IKBKE: variants seen among roughly 807,000 people sequenced by gnomAD.
IKBKE encodes inhibitor of nuclear factor kappa-B kinase subunit epsilon.
IKBKE carries 45 observed loss-of-function variants against 92.1 expected under a neutral mutation model. The observed-to-expected ratio is 0.49, with a 90% confidence interval of 0.38 to 0.63. The LOEUF (loss-of-function observed/expected upper bound fraction) is 0.63. Among genes scored for constraint, IKBKE ranks in the 20% least tolerant of loss-of-function variants. The pLI is 0.00. For synonymous variants in IKBKE, 374 were observed against 380.3 expected (o/e 0.98, Z 0.19); for missense variants, 700 against 932.8 (o/e 0.75, Z 3.25).
chr1:206,479,149 T>G lies in IKBKE; in HGVS notation c.1183+16T>G, dbSNP rs373103827. 10 of 1,555,544 alleles carry G rather than the reference T, an allele frequency of 6.4e-6. No individual in the cohort carries two copies. Among genetic ancestry groups the G allele is most frequent in the Non-Finnish European group, 7.8e-6 (9 of 1,150,910 alleles). On this transcript the variant is annotated intron_variant, in intron 10 of 21. Coordinates refer to ENST00000581977, the MANE Select transcript of IKBKE (RefSeq NM_014002.4). Reference sequence around the variant, plus strand: ...TTCAGGGACCGTGAGTAGAGCCACCTGGGCTGGATCTTTCTCCTCCCCACA... The same window carrying G: ...TTCAGGGACCGTGAGTAGAGCCACCGGGGCTGGATCTTTCTCCTCCCCACA...
chr1:206,481,229 G>A (rs41297620), intron 13 of IKBKE, among the ~76,000 whole-genome samples: 3,155 of 152,324 alleles, frequency 0.021, 60 homozygotes, highest in Middle Eastern at 0.082. Flanking sequence ...TACGGGTGAG[G>A]GTGGGAGCTC....
intron 18 of IKBKE, 158 bp downstream of exon 18, chr1:206,491,907 T>C (rs41299852): frequency 0.019 from 10,854 of 571,216 alleles, 148 homozygotes; most frequent in Non-Finnish European, 0.026. Flanking sequence ...GACCAGGCAG[T>C]TGGCTGGGAG....
intron 21 of IKBKE, among the ~76,000 whole-genome samples, chr1:206,494,593 T>TG (rs1491321201): frequency 0.027 from 1,660 of 60,604 alleles, 33 homozygotes; most frequent in Non-Finnish European, 0.035. Context: ...AAGTTCTTTC[T>TG]TTTTTTTTTT....
At chr1:206,488,070 C>G in intron 16 of IKBKE, 80 bp downstream of exon 16, 1 of 1,068,446 alleles carries the variant, frequency 9.4e-7, no homozygotes, top group Non-Finnish European at 1.4e-6. Context: ...ACTGGTGCTA[C>G]CAGTGGCCAC....
intron 3 of IKBKE, among the ~76,000 whole-genome samples, chr1:206,473,522 T>G (rs1401055672): frequency 6.6e-6 from 1 of 151,920 alleles, no homozygotes; most frequent in African/African-American, 2.4e-5. Flanking sequence ...CGGGCACGAG[T>G]TGGAGCAAGA....
chr1:206,479,134 G>C lies in IKBKE; in HGVS notation c.1183+1G>C, dbSNP rs781999092. 6.3e-7 allele frequency: 1 copy of C among 1,589,204 alleles called. No individual in the cohort carries two copies. The highest frequency in any genetic ancestry group is 8.6e-7 in the Non-Finnish European group (1 of 1,167,724). On this transcript the variant is annotated splice_donor_variant, in intron 10 of 21. Transcript: ENST00000581977. LOFTEE classifies it high-confidence loss of function. ...CCTAAGGGGCTGGCCTTCAGGGACC[G>C]TGAGTAGAGCCACCTGGGCTGGATC...
At chr1:206,481,032 A>AC (rs1438137123) in intron 13 of IKBKE, among the ~76,000 whole-genome samples, 3 of 151,796 alleles carry the variant, frequency 2.0e-5, no homozygotes, top group African/African-American at 4.8e-5. Flanking sequence ...AATCTTTGGA[A>AC]CCCCACTCCC....
intron 7 of IKBKE, among the ~76,000 whole-genome samples, chr1:206,477,355 A>C (rs113635276): frequency 6.6e-6 from 1 of 152,256 alleles, no homozygotes; most frequent in African/African-American, 2.4e-5. Flanking sequence ...TGTGGAACCT[A>C]TATCAGGCCC....
rs797041890 is a variant in IKBKE at position 206,472,702 on chromosome 1, C to T, written c.-32-494C>T. ...GTGGTGGGCCTGGCAGGCAGGCCAG[C>T]GGGGGCTGGGGGAGTGGCTCTGGAC... On this transcript the variant is annotated intron_variant, in intron 2 of 21. Transcript: ENST00000581977. 5.0e-4 allele frequency among the ~76,000 whole-genome samples: 76 copies of T among 152,204 alleles called. 2 individuals are homozygous for T. The highest frequency in any genetic ancestry group is 1.8e-3 in the African/African-American group (74 of 41,528).
chr1:206,470,565 GC>G lies in IKBKE; in HGVS notation c.-253del, dbSNP rs2103441634. 6.6e-6 allele frequency: 1 copy of G among 152,426 alleles called. No individual in the cohort carries two copies. The highest frequency in any genetic ancestry group is 2.1e-4 in the South Asian group (1 of 4,832). 9.4% of individuals were successfully genotyped at this position (152,426 alleles called of 1,614,324 possible). On this transcript the variant is annotated 5_prime_UTR_variant, in exon 1 of 22. Coordinates refer to ENST00000581977, the MANE Select transcript of IKBKE (RefSeq NM_014002.4). ...TGGGGTGGCACAGACATTGCAACTG[GC>G]CCTGCCTGTGGGTCCTAGGGGCCCT...
intron 13 of IKBKE, among the ~76,000 whole-genome samples, chr1:206,481,411 C>T (rs1235924300): frequency 2.0e-5 from 3 of 152,240 alleles, no homozygotes; most frequent in South Asian, 2.1e-4. Flanking sequence ...CCTCCTGCTT[C>T]GCAGCAGCAA....
In IKBKE at chr1:206,491,653, A is replaced by G; in HGVS notation, c.1739A>G (p.Asn580Ser). The change falls in exon 18 of 22, where the codon AAT (asparagine) becomes AGT (serine). Residue 580 changes from asparagine (N) to serine (S), a missense_variant. Coordinates refer to ENST00000581977, the MANE Select transcript of IKBKE (RefSeq NM_014002.4). ...TTGGTTCTCTGTCGTTCTAGGGTGAATTTCAGTCATTTAGCCAAAAGACTC... is the reference window on the plus strand; with the variant it reads ...TTGGTTCTCTGTCGTTCTAGGGTGAGTTTCAGTCATTTAGCCAAAAGACTC... ...EEQIHKLDKV[N>S]FSHLAKRLLQ... 1 of 1,612,084 alleles carries G rather than the reference A, an allele frequency of 6.2e-7. No individual in the cohort carries two copies. Among genetic ancestry groups the G allele is most frequent in the Non-Finnish European group, 8.5e-7 (1 of 1,178,536 alleles).
chr1:206,479,001 G>A lies in IKBKE; in HGVS notation c.1051G>A (p.Glu351Lys), dbSNP rs782275520. The change falls in exon 10 of 22, where the codon GAG (glutamate) becomes AAG (lysine). Residue 351 changes from glutamate (E) to lysine (K), a missense_variant. Physicochemically the swap from Glu to Lys is moderately conservative, Grantham distance 56. Coordinates refer to ENST00000581977, the MANE Select transcript of IKBKE (RefSeq NM_014002.4). ...KQTSVAPRHQ[E>K]YLFEGHLCVL... ...GACCAGTGTGGCCCCCCGACACCAG[G>A]AGTACCTCTTTGAGGGTCACCTCTG... 3 of 1,614,160 alleles carry A rather than the reference G, an allele frequency of 1.9e-6. No individual in the cohort carries two copies. The highest frequency in any genetic ancestry group is 2.2e-5 in the South Asian group (2 of 91,084).
In IKBKE at chr1:206,485,427, AG is replaced by A. The variant is rs2103473101; in HGVS notation, c.1616+124del. 6.0e-6 allele frequency: 4 copies of A among 663,538 alleles called. No homozygotes were observed. The East Asian group carries it at 1.1e-4, about 18-fold the overall frequency. The allele number at this position is 663,538 out of a possible 1,614,324, so 41.1% of individuals were successfully genotyped here. On this transcript the variant is annotated intron_variant, in intron 15 of 21. Coordinates refer to ENST00000581977, the MANE Select transcript of IKBKE (RefSeq NM_014002.4). The surrounding 1 kb of genome is among the most constrained non-coding windows in gnomAD (Gnocchi z 5.0). ...TCCCCTTTCTCTTGGCAAGGGTGCT[AG>A]GGCATGGGGGAGTAGAGGGAGATCC...
At position 206,485,060 on chromosome 1, in the gene IKBKE, C is replaced by T; in HGVS notation, c.1491C>T (p.Ser497=). The change falls in exon 14 of 22, where the codon TCC becomes TCT. Residue 497 remains serine (S), a synonymous_variant. Transcript: ENST00000581977. This position sits in a 1 kb window ranked among gnomAD's most constrained non-coding sequence, Gnocchi z 5.0. The stretch of plus-strand genomic sequence containing the variant: ...TGAAGGCGGCTGCAGAACTGAGGTC[C>T]AGGCTGCGGACTGTGAGTGAGGCTG... ...QELKAAAELR[S]RLRTLAEVLS... 6.2e-7 allele frequency: 1 copy of T among 1,614,002 alleles called. No homozygotes were observed. Among genetic ancestry groups the T allele is most frequent in the South Asian group, 1.1e-5 (1 of 91,062 alleles).
Position 206,493,314 on chromosome 1 carries a change from G to T in IKBKE, c.1981G>T (p.Ala661Ser). 2 of 1,614,134 alleles carry T rather than the reference G, an allele frequency of 1.2e-6. No homozygotes were observed. Among genetic ancestry groups the T allele is most frequent in the African/African-American group, 2.7e-5 (2 of 75,070 alleles). The change falls in exon 20 of 22, where the codon GCT (alanine) becomes TCT (serine). Residue 661 changes from alanine to serine, a missense_variant. Coordinates refer to ENST00000581977, the MANE Select transcript of IKBKE (RefSeq NM_014002.4). ...HQLLQDRAKG[A>S]QASPPPIAPY... ...GCTCCTTCAGGACCGAGCAAAGGGGGCTCAGGCCTCGCCGCCTCCCATAGC... is the reference window on the plus strand; with the variant it reads ...GCTCCTTCAGGACCGAGCAAAGGGGTCTCAGGCCTCGCCGCCTCCCATAGC...
rs868991725 is a variant in IKBKE, at chr1:206,474,257, G to A, written c.88-74G>A. On this transcript the variant is annotated intron_variant, in intron 3 of 21. Coordinates refer to ENST00000581977, the MANE Select transcript of IKBKE (RefSeq NM_014002.4). ...AGGCTGAATGGAGGCCCAGGAGAGGGTGGCTGCTCCCCTGTGGGAGTGGGA... is the reference window on the plus strand; with the variant it reads ...AGGCTGAATGGAGGCCCAGGAGAGGATGGCTGCTCCCCTGTGGGAGTGGGA... 10 of 1,424,674 alleles carry A rather than the reference G, an allele frequency of 7.0e-6. No individual in the cohort carries two copies. The African/African-American group carries it at 8.5e-5, about 12-fold the overall frequency. The allele number at this position is 1,424,674 out of a possible 1,614,324, so 88.3% of individuals were successfully genotyped here. A position where few individuals can be genotyped will look rare whatever the true frequency, so the allele number is the denominator to read the frequency against.
chr1:206,491,738 C>A lies in IKBKE; in HGVS notation c.1824C>A (p.Gly608=). ...ATCAAGCGTCCTTAGTCACACACGG[C>A]AAGAGGATGAGGTAACAGCCCCTCC... The part of the protein sequence containing the change: ...QKYQASLVTH[G]KRMRVVHETR... Residue 608 remains glycine (G), a synonymous_variant, in exon 18 of 22, where the codon GGC becomes GGA. Coordinates refer to ENST00000581977, the MANE Select transcript of IKBKE (RefSeq NM_014002.4). 2 of 1,612,154 alleles carry A rather than the reference C, an allele frequency of 1.2e-6. No individual in the cohort carries two copies. The highest frequency in any genetic ancestry group is 1.7e-6 in the Non-Finnish European group (2 of 1,178,596).
intron 3 of IKBKE, among the ~76,000 whole-genome samples, chr1:206,473,960 C>CAAAAAAAAAAAA (rs58205740): frequency 1.6e-5 from 1 of 62,234 alleles, no homozygotes; most frequent in Admixed American, 2.1e-4. Flanking sequence ...GGCTCCGTCT[C>CAAAAAAAAAAAA]AAAAAAAAAA....
Sources: allele counts gnomAD v4.1 joint callset (sites outside exome capture counted in the v4.1 genomes callset), GRCh38; gene constraint gnomAD v4.1.1; non-coding constraint Gnocchi (gnomAD v3.1); transcripts MANE v1.5; gene names NCBI Gene and HGNC (gene_info 2026-07-23, HGNC 2026-07-21).